Variants in BLTP3B observed in about 807,000 individuals in gnomAD.
BLTP3B encodes the protein UHRF1 (ICBP90) binding protein 1-like.
At chr12:100,077,457 T>C in the BLTP3B span, among the ~76,000 whole-genome samples, 5 of 152,240 alleles carry the variant, frequency 3.3e-5, no homozygotes, top group Admixed American at 1.3e-4. Flanking sequence ...TTTCTAAACA[T>C]TGGCACTTCT....
the BLTP3B span, chr12:100,128,576 T>C: frequency 8.1e-7 from 1 of 1,237,706 alleles, no homozygotes; most frequent in Non-Finnish European, 1.0e-6. Context: ...AATAGAAGTA[T>C]TACCTGAGGG....
At chr12:100,072,809 G>A in the BLTP3B span, 1 of 1,586,902 alleles carries the variant, frequency 6.3e-7, no homozygotes, top group Non-Finnish European at 8.5e-7. Flanking sequence ...TTCCGCTGTA[G>A]AGACCTGAAA....
At chr12:100,061,238 A>T in the BLTP3B span, among the ~76,000 whole-genome samples, 1 of 152,210 alleles carries the variant, frequency 6.6e-6, no homozygotes, top group South Asian at 2.1e-4. Context: ...CTCAACGTAG[A>T]TTGATTGATG....
At chr12:100,124,526 C>T in the BLTP3B span, among the ~76,000 whole-genome samples, 770 of 151,090 alleles carry the variant, frequency 5.1e-3, 1 homozygote, top group Non-Finnish European at 8.5e-3. Context: ...GGGTAGATCA[C>T]GAGCTCAGGA....
the BLTP3B span, among the ~76,000 whole-genome samples, chr12:100,139,645 T>A: frequency 1.5e-3 from 221 of 152,318 alleles, no homozygotes; most frequent in African/African-American, 4.9e-3. Flanking sequence ...TTGGCAGTAG[T>A]CTTGCCTCAG....
At chr12:100,128,782 A>C in the BLTP3B span, 4 of 1,219,692 alleles carry the variant, frequency 3.3e-6, no homozygotes, top group Non-Finnish European at 4.2e-6. Flanking sequence ...GGGAAGGAAG[A>C]GGAAAGGAAT....
chr12:100,056,471 TA>T, the BLTP3B span, among the ~76,000 whole-genome samples: 2 of 152,028 alleles, frequency 1.3e-5, no homozygotes. Flanking sequence ...ATATACTTGT[TA>T]TATTTATTAT....
At chr12:100,137,675 G>T in the BLTP3B span, among the ~76,000 whole-genome samples, 1 of 152,090 alleles carries the variant, frequency 6.6e-6, no homozygotes, top group Non-Finnish European at 1.5e-5. Flanking sequence ...TTCCACCCCA[G>T]ATATTGCTCC....
the BLTP3B span, chr12:100,058,148 T>C: frequency 5.0e-6 from 8 of 1,613,580 alleles, no homozygotes; most frequent in South Asian, 3.3e-5. Flanking sequence ...AGATGGACTC[T>C]ATGGTTTCAT....
At chr12:100,045,554 T>C in the BLTP3B span, among the ~76,000 whole-genome samples, 3 of 152,200 alleles carry the variant, frequency 2.0e-5, no homozygotes, top group Non-Finnish European at 4.4e-5. Context: ...GATCCCTTCC[T>C]TACCCCTTAC....
At chr12:100,089,860 G>C in the BLTP3B span, among the ~76,000 whole-genome samples, 1 of 152,134 alleles carries the variant, frequency 6.6e-6, no homozygotes. Context: ...TTGTGGGAGA[G>C]ACCTGGTGGG....
the BLTP3B span, among the ~76,000 whole-genome samples, chr12:100,055,397 C>A: frequency 6.6e-6 from 1 of 151,984 alleles, no homozygotes; most frequent in South Asian, 2.1e-4. Context: ...AAACAAGAGG[C>A]CAGGCATGTT....
the BLTP3B span, among the ~76,000 whole-genome samples, chr12:100,123,751 CT>C: frequency 1.2e-3 from 174 of 144,552 alleles, no homozygotes; most frequent in African/African-American, 2.6e-3. Context: ...TTTAAACTGC[CT>C]TTTTTTTTTT....
the BLTP3B span, among the ~76,000 whole-genome samples, chr12:100,042,364 G>A: frequency 6.6e-6 from 1 of 151,988 alleles, no homozygotes; most frequent in African/African-American, 2.4e-5. Context: ...CGACTCACAT[G>A]TTCCAATTTT....
At chr12:100,080,439 G>A in the BLTP3B span, among the ~76,000 whole-genome samples, 8 of 151,252 alleles carry the variant, frequency 5.3e-5, no homozygotes, top group Admixed American at 2.6e-4. Flanking sequence ...TGTAAGCTCC[G>A]CCTCCTGGAA....
the BLTP3B span, among the ~76,000 whole-genome samples, chr12:100,121,439 GGAGA>G: frequency 6.6e-6 from 1 of 151,910 alleles, no homozygotes; most frequent in Non-Finnish European, 1.5e-5. Context: ...TGAGGCAGAA[GGAGA>G]GAGAGGATTA....
the BLTP3B span, among the ~76,000 whole-genome samples, chr12:100,040,029 A>G: frequency 2.0e-5 from 3 of 150,108 alleles, no homozygotes; most frequent in Admixed American, 1.3e-4. Flanking sequence ...AGTTAATTAC[A>G]TAATTTATTA....
At chr12:100,102,281 T>C in the BLTP3B span, among the ~76,000 whole-genome samples, 2 of 151,952 alleles carry the variant, frequency 1.3e-5, no homozygotes, top group African/African-American at 4.8e-5. Flanking sequence ...AGCTAAAGTT[T>C]TTTGTATTTT....
the BLTP3B span, among the ~76,000 whole-genome samples, chr12:100,079,060 A>T: frequency 6.6e-6 from 1 of 152,168 alleles, no homozygotes; most frequent in Non-Finnish European, 1.5e-5. Context: ...AGTCATGTGG[A>T]ACTGTACGTC....
Sources: allele counts gnomAD v4.1 joint callset (sites outside exome capture counted in the v4.1 genomes callset), GRCh38; gene constraint gnomAD v4.1.1; transcripts MANE v1.5; gene names NCBI Gene and HGNC (gene_info 2026-07-23, HGNC 2026-07-21).